ELMO1: variants seen among roughly 807,000 people sequenced by gnomAD.
ELMO1 encodes the protein engulfment and cell motility protein 1.
In ELMO1, 26 loss-of-function variants were observed where a neutral mutation model predicts 98.9. The ratio of observed to expected loss-of-function variants is 0.26; its 90% confidence interval spans 0.19 to 0.36. ELMO1 has a LOEUF of 0.36. ELMO1 is among the 10% of genes least tolerant of loss of function. ELMO1 has a pLI of 1.00. For synonymous variants in ELMO1, 346 were observed against 346.0 expected (o/e 1.00, Z 0.00); for missense variants, 627 against 935.2 (o/e 0.67, Z 4.30).
At chr7:36,946,275 C>T (rs1471053824) in intron 16 of ELMO1, among the ~76,000 whole-genome samples, 1 of 152,194 alleles carries the variant, frequency 6.6e-6, no homozygotes, top group Non-Finnish European at 1.5e-5. Flanking sequence ...TGCTGTTTCC[C>T]TGTCAATAAA....
At chr7:37,293,799 TA>T (rs1207767087) in intron 4 of ELMO1, among the ~76,000 whole-genome samples, 2 of 145,278 alleles carry the variant, frequency 1.4e-5, no homozygotes, top group Non-Finnish European at 3.0e-5. Context: ...CTGTTAAATT[TA>T]AAAACTTTTT....
intron 13 of ELMO1, among the ~76,000 whole-genome samples, chr7:37,198,361 T>A (rs902582101): frequency 6.6e-6 from 1 of 152,218 alleles, no homozygotes; most frequent in East Asian, 1.9e-4. Context: ...ATTTCCACCA[T>A]CAGATCCAAA....
At chr7:36,960,395 A>AATTTT (rs777709790) in intron 16 of ELMO1, among the ~76,000 whole-genome samples, 2 of 151,880 alleles carry the variant, frequency 1.3e-5, no homozygotes, top group Non-Finnish European at 2.9e-5. Context: ...GGCTTCTTAA[A>AATTTT]ATTTTATTTT....
At chr7:37,360,105 G>A (rs1801643960) in intron 1 of ELMO1, among the ~76,000 whole-genome samples, 1 of 152,122 alleles carries the variant, frequency 6.6e-6, no homozygotes, top group Admixed American at 6.5e-5. Flanking sequence ...TTCACTTCAT[G>A]AATGGATAAA....
intron 13 of ELMO1, among the ~76,000 whole-genome samples, chr7:37,146,434 C>T (rs1051401564): frequency 3.3e-5 from 5 of 152,204 alleles, no homozygotes; most frequent in African/African-American, 1.2e-4. Context: ...AGCTGGTGCC[C>T]TTGACTCCCC....
chr7:37,201,546 T>C (rs192165043), intron 13 of ELMO1, among the ~76,000 whole-genome samples: 347 of 152,344 alleles, frequency 2.3e-3, no homozygotes, highest in Admixed American at 4.7e-3. Flanking sequence ...GGGGGGCCAG[T>C]TGCACATCCA....
chr7:37,145,149 G>A (rs931965469), intron 13 of ELMO1, among the ~76,000 whole-genome samples: 3 of 152,182 alleles, frequency 2.0e-5, no homozygotes, highest in Non-Finnish European at 4.4e-5. Flanking sequence ...GGCCTGGGGT[G>A]AGGCCAAAGA....
At chr7:36,916,018 C>G (rs148621712) in intron 16 of ELMO1, among the ~76,000 whole-genome samples, 1 of 152,172 alleles carries the variant, frequency 6.6e-6, no homozygotes, top group African/African-American at 2.4e-5. Flanking sequence ...GAAATCTAAG[C>G]TTTTCCCGTT....
At chr7:37,073,663 A>G (rs960294128) in intron 15 of ELMO1, among the ~76,000 whole-genome samples, 2 of 151,178 alleles carry the variant, frequency 1.3e-5, no homozygotes, top group Non-Finnish European at 2.9e-5. Flanking sequence ...GTGGCACTGT[A>G]TCCTTCACGA....
In ELMO1 at chr7:37,154,875, G is replaced by C. The variant is rs1177005170; in HGVS notation, c.1087-21641C>G. Among the ~76,000 whole-genome samples the C allele has an allele frequency of 2.0e-5, 3 of 152,296 alleles. No homozygotes were observed. In the East Asian group the frequency reaches 5.8e-4, roughly 29 times the overall value. On this transcript the variant is annotated intron_variant, in intron 13 of 21. Transcript: ENST00000310758. ...ACACATAATTGTCAGATTTACCAAG[G>C]TTGAAAGGAAGGAAAAAATGTTAAG...
intron 15 of ELMO1, among the ~76,000 whole-genome samples, chr7:37,015,100 C>T (rs1193014647): frequency 2.0e-5 from 3 of 152,074 alleles, no homozygotes; most frequent in Non-Finnish European, 4.4e-5. Context: ...CACAGCTCAC[C>T]ATTTCTAAAG....
intron 16 of ELMO1, among the ~76,000 whole-genome samples, chr7:36,996,896 C>T (rs1056833079): frequency 2.0e-5 from 3 of 152,142 alleles, no homozygotes; most frequent in African/African-American, 7.2e-5. Context: ...TGCTGCTAGA[C>T]GTAATAGACA....
At chr7:37,065,904 G>A (rs574247832) in intron 15 of ELMO1, among the ~76,000 whole-genome samples, 6 of 152,264 alleles carry the variant, frequency 3.9e-5, no homozygotes, top group African/African-American at 1.4e-4. Context: ...ACTCTGAGCT[G>A]TAATAATCCC....
At chr7:37,318,915 T>C (rs962732640) in intron 2 of ELMO1, among the ~76,000 whole-genome samples, 3 of 152,224 alleles carry the variant, frequency 2.0e-5, no homozygotes, top group African/African-American at 7.2e-5. Flanking sequence ...GCTTCTATGA[T>C]ATAGCGCAAT....
chr7:37,021,827 C>T (rs946755110), intron 15 of ELMO1, among the ~76,000 whole-genome samples: 2 of 151,926 alleles, frequency 1.3e-5, no homozygotes, highest in Non-Finnish European at 2.9e-5. Flanking sequence ...TATTATTGTA[C>T]CTAGCTAAAA....
intron 13 of ELMO1, among the ~76,000 whole-genome samples, chr7:37,152,940 T>G (rs1304408587): frequency 6.6e-6 from 1 of 152,184 alleles, no homozygotes; most frequent in East Asian, 1.9e-4. Context: ...TCTCTGCATA[T>G]GTCTCCAAGG....
intron 8 of ELMO1, among the ~76,000 whole-genome samples, chr7:37,229,724 T>TA: frequency 6.6e-6 from 1 of 152,340 alleles, no homozygotes; most frequent in Non-Finnish European, 1.5e-5. Flanking sequence ...GAAAAGTAAG[T>TA]AATTTTCTGA....
intron 1 of ELMO1, among the ~76,000 whole-genome samples, chr7:37,410,423 T>G (rs926835110): frequency 1.3e-5 from 2 of 152,194 alleles, no homozygotes; most frequent in Non-Finnish European, 2.9e-5. Context: ...TATCTACTTG[T>G]CTTCATGTCT....
chr7:37,005,106 T>TC (rs1792957439), intron 16 of ELMO1, among the ~76,000 whole-genome samples: 2 of 36,278 alleles, frequency 5.5e-5, no homozygotes, highest in Admixed American at 4.5e-4. Context: ...AGGCTCTGTC[T>TC]CAAAAAAAAA....
Sources: gnomAD v4.1 joint callset for allele counts (sites outside exome capture counted in the v4.1 genomes callset) on GRCh38, gnomAD v4.1.1 for gene constraint, MANE v1.5 for transcripts, NCBI Gene and HGNC (gene_info 2026-07-23, HGNC 2026-07-21) for gene names.